RNF180: variants seen among roughly 807,000 people sequenced by gnomAD.
RNF180 encodes E3 ubiquitin-protein ligase RNF180.
Under a neutral mutation model 59.2 loss-of-function variants are expected in RNF180, and 38 were observed. The ratio of observed to expected loss-of-function variants is 0.64; its 90% CI spans 0.50 to 0.84. The LOEUF (loss-of-function observed/expected upper bound fraction) is 0.84. Ranked by LOEUF, RNF180 falls within the 40% of genes least tolerant of loss-of-function variation. The pLI, the probability that RNF180 is intolerant of heterozygous loss-of-function variation, is 0.00. For synonymous variants in RNF180, 262 were observed against 240.3 expected, an observed-to-expected ratio of 1.09 and a Z score of -0.84; for missense variants, 705 against 700.9, an observed-to-expected ratio of 1.01 and a Z score of -0.07.
Position 64,194,103 on chromosome 5 carries a change from A to G in RNF180, c.1-6705A>G, listed in dbSNP as rs192921958. Among the ~76,000 whole-genome samples the G allele has an allele frequency of 3.9e-5, 6 of 152,214 alleles. 1 individual carries two copies. Among genetic ancestry groups the G allele is most frequent in the African/African-American group, 9.6e-5 (4 of 41,518 alleles). On this transcript the variant is annotated intron_variant, in intron 1 of 7. Transcript: ENST00000389100. ...TGTGCCATGTTGGTGTGCTGCACCC[A>G]TTAACTCGTCATTTAACATTAGGTA...
chr5:64,224,763 A>G (rs548994294), intron 5 of RNF180, among the ~76,000 whole-genome samples: 2 of 152,332 alleles, frequency 1.3e-5, no homozygotes, highest in South Asian at 4.1e-4. Context: ...TCCAAAATGC[A>G]TATGTTGCCT....
chr5:64,333,937 A>G (rs1302187171), intron 7 of RNF180, among the ~76,000 whole-genome samples: 1 of 152,158 alleles, frequency 6.6e-6, no homozygotes, highest in Admixed American at 6.5e-5. Context: ...CCAAAAATGA[A>G]GGAGTTAAGC....
intron 5 of RNF180, among the ~76,000 whole-genome samples, chr5:64,247,582 A>G (rs1180528915): frequency 6.6e-6 from 1 of 152,234 alleles, no homozygotes; most frequent in Admixed American, 6.5e-5. Flanking sequence ...AAGGAGAACT[A>G]CAAACCACTG....
chr5:64,226,734 A>C (rs1741785060), intron 5 of RNF180, among the ~76,000 whole-genome samples: 2 of 152,242 alleles, frequency 1.3e-5, no homozygotes, highest in African/African-American at 4.8e-5. Context: ...CAGCAGCCAC[A>C]GCACAGATAT....
At chr5:64,335,357 CT>C (rs927751405) in intron 7 of RNF180, among the ~76,000 whole-genome samples, 15 of 152,006 alleles carry the variant, frequency 9.9e-5, no homozygotes, top group African/African-American at 3.6e-4. Flanking sequence ...CTGGTGTGTA[CT>C]TGCTTAAGAA....
In RNF180 at chr5:64,214,153, A is replaced by T. The variant is rs1368986591; in HGVS notation, c.827A>T (p.Asn276Ile). 2 of 1,614,186 alleles carry T rather than the reference A, an allele frequency of 1.2e-6. No homozygotes were observed. Among genetic ancestry groups the T allele is most frequent in the Admixed American group, 1.7e-5 (1 of 59,998 alleles). Residue 276 changes from asparagine (N) to isoleucine (I), a missense_variant, in exon 4 of 8, where the codon AAT becomes ATT. Physicochemically the swap from Asn to Ile is moderately radical, Grantham distance 149. Transcript: ENST00000389100. ...LSGLPLQSSK[N>I]SYSFQNPSSF... ...GGCTTGCCTTTACAATCTAGTAAAA[A>T]TAGCTATTCCTTTCAGAATCCATCC...
chr5:64,230,534 A>G (rs1387812549), intron 5 of RNF180, among the ~76,000 whole-genome samples: 1 of 152,046 alleles, frequency 6.6e-6, no homozygotes, highest in Admixed American at 6.5e-5. Context: ...CTTTTTCCTC[A>G]TTTAAGGACC....
At chr5:64,192,940 A>ATATATAT (rs1561179048) in intron 1 of RNF180, among the ~76,000 whole-genome samples, 42 of 69,990 alleles carry the variant, frequency 6.0e-4, no homozygotes, top group East Asian at 2.4e-3. Context: ...TATATATATA[A>ATATATAT]AATGAAACAT....
chr5:64,289,894 T>C (rs1277772236), intron 5 of RNF180, among the ~76,000 whole-genome samples: 2 of 152,186 alleles, frequency 1.3e-5, no homozygotes, highest in African/African-American at 4.8e-5. Flanking sequence ...CTCCTTCAGC[T>C]CTGATTTTGG....
chr5:64,266,252 A>G (rs1229126356), intron 5 of RNF180, among the ~76,000 whole-genome samples: 1 of 152,130 alleles, frequency 6.6e-6, no homozygotes, highest in Non-Finnish European at 1.5e-5. Context: ...GGCAATCTTA[A>G]TATGTGTCAA....
intron 5 of RNF180, among the ~76,000 whole-genome samples, chr5:64,275,727 G>T (rs1365824660): frequency 6.6e-6 from 1 of 151,846 alleles, no homozygotes; most frequent in Non-Finnish European, 1.5e-5. Context: ...CAGTATGTTG[G>T]CAAGGATGAA....
At chr5:64,368,364 A>G (rs1275121696) in intron 7 of RNF180, among the ~76,000 whole-genome samples, 1 of 151,776 alleles carries the variant, frequency 6.6e-6, no homozygotes, top group Non-Finnish European at 1.5e-5. Flanking sequence ...AATTTAGAAA[A>G]TATTCTCTTG....
At chr5:64,298,455 G>A (rs1435090962) in intron 5 of RNF180, among the ~76,000 whole-genome samples, 7 of 151,746 alleles carry the variant, frequency 4.6e-5, no homozygotes, top group Non-Finnish European at 8.8e-5. Flanking sequence ...TCTGCATATG[G>A]CTAGCCATAA....
At chr5:64,258,913 G>T (rs150744272) in intron 5 of RNF180, among the ~76,000 whole-genome samples, 159 of 152,294 alleles carry the variant, frequency 1.0e-3, no homozygotes, top group African/African-American at 3.7e-3. Context: ...GGCAGTGCTT[G>T]TCAGAGAGTA....
chr5:64,314,236 A>G (rs907266469), intron 5 of RNF180, among the ~76,000 whole-genome samples: 1 of 152,058 alleles, frequency 6.6e-6, no homozygotes, highest in Non-Finnish European at 1.5e-5. Context: ...GGGATGCTCA[A>G]CCTGTACTAA....
chr5:64,309,402 G>A (rs1743639306), intron 5 of RNF180, among the ~76,000 whole-genome samples: 1 of 151,626 alleles, frequency 6.6e-6, no homozygotes. Context: ...ATCAACCATA[G>A]AATTGATTTA....
rs767000920 is a variant in RNF180 at position 64,281,206 on chromosome 5, A to G, written c.1228-43980A>G. 8.5e-5 allele frequency among the ~76,000 whole-genome samples: 13 copies of G among 152,312 alleles called. No individual in the cohort carries two copies. In the Middle Eastern group the frequency reaches 0.01, roughly 120 times the overall value. On this transcript the variant is annotated intron_variant, in intron 5 of 7. Coordinates refer to ENST00000389100, the MANE Select transcript of RNF180 (RefSeq NM_001113561.2). The stretch of plus-strand genomic sequence containing the variant: ...TTATCAGATCTAGGAGCTTTTGGGC[A>G]GAGACTGTGGGGTTTTCTGTATATA...
intron 5 of RNF180, among the ~76,000 whole-genome samples, chr5:64,234,575 G>GTTTTTTTTTTTT (rs1561207558): frequency 1.3e-5 from 1 of 77,692 alleles, no homozygotes; most frequent in African/African-American, 4.0e-5. Context: ...GCAGTTACCC[G>GTTTTTTTTTTTT]TTCTTTTTTT....
At chr5:64,349,397 G>A (rs747081127) in intron 7 of RNF180, among the ~76,000 whole-genome samples, 1 of 145,464 alleles carries the variant, frequency 6.9e-6, no homozygotes, top group Non-Finnish European at 1.5e-5. Context: ...GTTATGACAG[G>A]CTAGTCTTCT....
Sources: gnomAD v4.1 joint callset for allele counts (sites outside exome capture counted in the v4.1 genomes callset) on GRCh38, gnomAD v4.1.1 for gene constraint, MANE v1.5 for transcripts, NCBI Gene and HGNC (gene_info 2026-07-23, HGNC 2026-07-21) for gene names.